The following RETREG1 variants were observed in gnomAD, a reference collection of about 807,000 sequenced individuals.
The protein encoded by RETREG1 is family with sequence similarity 134 member B.
Under a neutral mutation model 54.8 loss-of-function variants are expected in RETREG1, and 44 were observed. That is an observed-to-expected ratio of 0.80 (90% CI 0.63 to 1.03). The LOEUF (loss-of-function observed/expected upper bound fraction) is 1.03. RETREG1 is among the 50% of genes least tolerant of loss of function. The pLI is 0.00. For synonymous variants in RETREG1, 217 were observed against 238.5 expected, an observed-to-expected ratio of 0.91 and a Z score of 0.83; for missense variants, 554 against 605.1, an observed-to-expected ratio of 0.92 and a Z score of 0.89.
intron 2 of RETREG1, among the ~76,000 whole-genome samples, chr5:16,569,522 G>A (rs1013460058): frequency 3.3e-5 from 5 of 152,066 alleles, no homozygotes; most frequent in African/African-American, 1.2e-4. Flanking sequence ...AACCCCATGT[G>A]GCCCTGATGA....
chr5:16,496,096 C>T (rs956900366), intron 3 of RETREG1, among the ~76,000 whole-genome samples: 1 of 152,046 alleles, frequency 6.6e-6, no homozygotes, highest in Non-Finnish European at 1.5e-5. Flanking sequence ...GCTCATCCCC[C>T]CAAACCTTTT....
At chr5:16,517,324 C>T (rs1189402377) in intron 3 of RETREG1, among the ~76,000 whole-genome samples, 3 of 152,144 alleles carry the variant, frequency 2.0e-5, no homozygotes, top group Non-Finnish European at 4.4e-5. Flanking sequence ...TTTTATTGTT[C>T]ACATGTTTGT....
chr5:16,574,467 T>C (rs1266544945), intron 1 of RETREG1, among the ~76,000 whole-genome samples: 1 of 152,092 alleles, frequency 6.6e-6, no homozygotes, highest in Non-Finnish European at 1.5e-5. Context: ...TCATGCAGTA[T>C]GTTTGGTGAA....
intron 1 of RETREG1, among the ~76,000 whole-genome samples, chr5:16,573,244 G>A (rs1262991498): frequency 1.4e-5 from 2 of 140,484 alleles, no homozygotes; most frequent in Admixed American, 7.5e-5. Flanking sequence ...TAACTCTTTC[G>A]CTTTAAGATC....
chr5:16,513,099 C>T (rs1431719351), intron 3 of RETREG1, among the ~76,000 whole-genome samples: 1 of 152,160 alleles, frequency 6.6e-6, no homozygotes, highest in Non-Finnish European at 1.5e-5. Flanking sequence ...GAAGTCATGA[C>T]AGAAATAGGG....
chr5:16,535,880 T>A (rs1741055514), intron 3 of RETREG1, among the ~76,000 whole-genome samples: 1 of 142,398 alleles, frequency 7.0e-6, no homozygotes, highest in African/African-American at 2.7e-5. Flanking sequence ...GGAGCTGGGG[T>A]TCCTGTGTGC....
chr5:16,503,625 T>A, intron 3 of RETREG1, among the ~76,000 whole-genome samples: 1 of 139,818 alleles, frequency 7.2e-6, no homozygotes, highest in Admixed American at 7.7e-5. Flanking sequence ...TCAAGATCAC[T>A]GCACTCCAGC....
At chr5:16,502,647 G>A (rs890567781) in intron 3 of RETREG1, among the ~76,000 whole-genome samples, 2 of 151,950 alleles carry the variant, frequency 1.3e-5, no homozygotes, top group East Asian at 1.9e-4. Context: ...GTATTTTTTC[G>A]AGGCATTAAG....
At chr5:16,595,575 T>A (rs567824143) in intron 1 of RETREG1, among the ~76,000 whole-genome samples, 1 of 152,332 alleles carries the variant, frequency 6.6e-6, no homozygotes, top group East Asian at 1.9e-4. Context: ...ATTCTTCCTA[T>A]GAAAAGTTTT....
intron 3 of RETREG1, among the ~76,000 whole-genome samples, chr5:16,540,513 C>T (rs2126605553): frequency 6.6e-6 from 1 of 152,324 alleles, no homozygotes; most frequent in Admixed American, 6.5e-5. Flanking sequence ...AATTCACACA[C>T]ATACCAGTGA....
rs1316295657 is a variant in RETREG1 at position 16,590,823 on chromosome 5, AAC to A, written c.321-18723_321-18722del. Among the ~76,000 whole-genome samples the A allele has an allele frequency of 8.3e-5, 12 of 144,816 alleles. No homozygotes were observed. In the South Asian group the frequency reaches 1.7e-3, roughly 21 times the overall value. On this transcript the variant is annotated intron_variant, in intron 1 of 8. Coordinates refer to ENST00000306320, the MANE Select transcript of RETREG1 (RefSeq NM_001034850.3). ...ACACAAAAAAACACACAGACATGCA[AAC>A]ACACACATGCAAACACACATGCACA...
At chr5:16,522,996 C>A (rs1187241314) in intron 3 of RETREG1, among the ~76,000 whole-genome samples, 3 of 147,490 alleles carry the variant, frequency 2.0e-5, no homozygotes, top group East Asian at 2.0e-4. Flanking sequence ...ATGCTGTCTC[C>A]AAAAGAAAAA....
chr5:16,510,049 ATTCTG>A (rs1205790943), intron 3 of RETREG1, among the ~76,000 whole-genome samples: 1 of 151,926 alleles, frequency 6.6e-6, no homozygotes, highest in African/African-American at 2.4e-5. Flanking sequence ...AAATCTGTGT[ATTCTG>A]TTGTTATGTT....
At chr5:16,546,861 T>C (rs1205353921) in intron 3 of RETREG1, among the ~76,000 whole-genome samples, 1 of 152,234 alleles carries the variant, frequency 6.6e-6, no homozygotes, top group East Asian at 1.9e-4. Flanking sequence ...CTTACAGCTA[T>C]TTTTATTCTG....
chr5:16,476,295 A>G (rs1300809464), intron 8 of RETREG1, among the ~76,000 whole-genome samples: 1 of 152,112 alleles, frequency 6.6e-6, no homozygotes, highest in Non-Finnish European at 1.5e-5. Flanking sequence ...AAAAACAGAA[A>G]ATGTCCTTTT....
chr5:16,576,209 A>G (rs912087231), intron 1 of RETREG1, among the ~76,000 whole-genome samples: 1 of 152,106 alleles, frequency 6.6e-6, no homozygotes, highest in South Asian at 2.1e-4. Context: ...CTTCCCCCGA[A>G]ATTATTTGAA....
chr5:16,569,676 G>A (rs1742119906), intron 2 of RETREG1, among the ~76,000 whole-genome samples: 1 of 152,188 alleles, frequency 6.6e-6, no homozygotes, highest in Admixed American at 6.5e-5. Flanking sequence ...ATAGGAGGCT[G>A]ACTCATAGCT....
At chr5:16,545,240 A>T (rs1007139349) in intron 3 of RETREG1, among the ~76,000 whole-genome samples, 5 of 152,124 alleles carry the variant, frequency 3.3e-5, no homozygotes, top group Admixed American at 1.3e-4. Context: ...AAAACATTTT[A>T]AAATTCTTGT....
intron 3 of RETREG1, among the ~76,000 whole-genome samples, chr5:16,540,285 T>C (rs1382721835): frequency 6.6e-6 from 1 of 152,238 alleles, no homozygotes; most frequent in African/African-American, 2.4e-5. Flanking sequence ...GTAAATTGCC[T>C]AACAGCAAAT....
Sources: gnomAD v4.1 joint callset for allele counts (sites outside exome capture counted in the v4.1 genomes callset) on GRCh38, gnomAD v4.1.1 for gene constraint, MANE v1.5 for transcripts, NCBI Gene and HGNC (gene_info 2026-07-23, HGNC 2026-07-21) for gene names.